Variants in AFF3 observed in about 807,000 individuals in gnomAD.
The protein encoded by AFF3 is ALF transcription elongation factor 3.
In AFF3, 32 loss-of-function variants were observed where a neutral mutation model predicts 129.7. The ratio of observed to expected loss-of-function variants is 0.25; its 90% CI spans 0.19 to 0.33. The LOEUF (loss-of-function observed/expected upper bound fraction) is 0.33. Among genes scored for constraint, AFF3 ranks in the 10% least tolerant of loss-of-function variants. AFF3 has a pLI of 1.00. For synonymous variants in AFF3, 644 were observed against 635.4 expected, an observed-to-expected ratio of 1.01 and a Z score of -0.20; for missense variants, 1,373 against 1,592.0, an observed-to-expected ratio of 0.86 and a Z score of 2.34.
At chr2:99,581,076 G>T (rs1015208322) in intron 17 of AFF3, among the ~76,000 whole-genome samples, 3 of 152,214 alleles carry the variant, frequency 2.0e-5, no homozygotes, top group African/African-American at 7.2e-5. Context: ...AGAACTGTAA[G>T]CTTCATGGGG....
At position 99,670,226 on chromosome 2, in the gene AFF3, CAGATAGGAGTGTTCAAAAGCATG is replaced by C. The variant is rs575055698; in HGVS notation, c.1143+2289_1143+2311del. On this transcript the variant is annotated intron_variant, in intron 12 of 24. Coordinates refer to ENST00000672756, the MANE Select transcript of AFF3 (RefSeq NM_001386135.1). Reference sequence around the variant, plus strand: ...AGGCAATGGGGAGAAAAGGAAACCTCAGATAGGAGTGTTCAAAAGCATGGAGTCTGAGGCGATCTGAGGAAGGG... The same window carrying C: ...AGGCAATGGGGAGAAAAGGAAACCTCGAGTCTGAGGCGATCTGAGGAAGGG... 4.5e-3 allele frequency among the ~76,000 whole-genome samples: 687 copies of C among 152,212 alleles called. 3 individuals carry two copies. The highest frequency in any genetic ancestry group is 0.016 in the African/African-American group (647 of 41,524).
intron 2 of AFF3, among the ~76,000 whole-genome samples, chr2:100,113,860 G>C (rs1691621009): frequency 6.6e-6 from 1 of 152,046 alleles, no homozygotes; most frequent in Admixed American, 6.6e-5. Flanking sequence ...GTTCTATGTG[G>C]TCAAAGTGTT....
chr2:99,918,382 A>G (rs941907619), intron 7 of AFF3, among the ~76,000 whole-genome samples: 1 of 152,110 alleles, frequency 6.6e-6, no homozygotes, highest in African/African-American at 2.4e-5. Flanking sequence ...ATCACCTTCT[A>G]TGTTCTTAAA....
At chr2:99,564,039 G>A (rs1675751028) in intron 20 of AFF3, among the ~76,000 whole-genome samples, 1 of 151,998 alleles carries the variant, frequency 6.6e-6, no homozygotes, top group Non-Finnish European at 1.5e-5. Flanking sequence ...TGTTTGTTTG[G>A]GCTTGCTTGT....
At chr2:99,900,115 C>T (rs1016550969) in intron 7 of AFF3, among the ~76,000 whole-genome samples, 17 of 152,110 alleles carry the variant, frequency 1.1e-4, no homozygotes, top group African/African-American at 4.1e-4. Context: ...ATGTAGGAAA[C>T]GTGGGAACCC....
At chr2:100,111,039 G>A (rs1691494413) in intron 2 of AFF3, among the ~76,000 whole-genome samples, 1 of 152,168 alleles carries the variant, frequency 6.6e-6, no homozygotes, top group African/African-American at 2.4e-5. Flanking sequence ...AATTTTAGGA[G>A]CAAAAGCCAC....
intron 8 of AFF3, among the ~76,000 whole-genome samples, chr2:99,779,639 CTG>C (rs1684232705): frequency 1.3e-5 from 2 of 152,284 alleles, no homozygotes; most frequent in South Asian, 4.2e-4. Context: ...AGCGTAAACA[CTG>C]TACCCAGTAG....
Position 100,106,968 on chromosome 2 carries a change from G to T in AFF3, c.-144-1385C>A. Reference sequence around the variant, plus strand: ...GCCATGTAGTAACGGGCAGATTTACGTTTGAATTTAAACTCTGGTGCCTTG... The same window carrying T: ...GCCATGTAGTAACGGGCAGATTTACTTTTGAATTTAAACTCTGGTGCCTTG... On this transcript the variant is annotated intron_variant, in intron 2 of 24. Transcript: ENST00000672756. 3.0e-6 allele frequency: 3 copies of T among 985,442 alleles called. No individual in the cohort carries two copies. In the South Asian group the frequency reaches 1.4e-4, roughly 46 times the overall value. 61.0% of individuals were successfully genotyped at this position (985,442 alleles called of 1,614,324 possible). A position where few individuals can be genotyped will look rare whatever the true frequency, so the allele number is the denominator to read the frequency against.
chr2:99,565,809 G>A (rs1675905798), intron 19 of AFF3, among the ~76,000 whole-genome samples, 186 bp from the exon 20 acceptor site: 1 of 152,220 alleles, frequency 6.6e-6, no homozygotes. Context: ...CTGGCTTGGA[G>A]TAAGTGAGCG....
At chr2:99,649,449 C>G (rs1264306557) in intron 13 of AFF3, among the ~76,000 whole-genome samples, 177 bp downstream of exon 13, 1 of 152,040 alleles carries the variant, frequency 6.6e-6, no homozygotes, top group Non-Finnish European at 1.5e-5. Flanking sequence ...TACAACAAGG[C>G]GATTTTTGCA....
chr2:99,837,692 G>A lies in AFF3; in HGVS notation c.874-168C>T, dbSNP rs147036517. Among the ~76,000 whole-genome samples the A allele has an allele frequency of 2.9e-3, 440 of 152,140 alleles. 1 individual carries two copies. Among genetic ancestry groups the A allele is most frequent in the Non-Finnish European group, 4.9e-3 (332 of 67,996 alleles). Reference sequence around the variant, plus strand: ...GACAGGCTCCTTTCCCTAACAGCCGGCTCCCATTGTGGCTGCTGCTCCCCC... The same window carrying A: ...GACAGGCTCCTTTCCCTAACAGCCGACTCCCATTGTGGCTGCTGCTCCCCC... On this transcript the variant is annotated intron_variant, in intron 7 of 24. Coordinates refer to ENST00000672756, the MANE Select transcript of AFF3 (RefSeq NM_001386135.1).
intron 7 of AFF3, among the ~76,000 whole-genome samples, chr2:99,942,912 A>C (rs1326995549): frequency 6.6e-6 from 1 of 152,132 alleles, no homozygotes; most frequent in Non-Finnish European, 1.5e-5. Flanking sequence ...GAAGAGCAAT[A>C]TGGATGCCGT....
chr2:99,611,809 C>A (rs1240673131), intron 13 of AFF3, among the ~76,000 whole-genome samples: 1 of 151,810 alleles, frequency 6.6e-6, no homozygotes, highest in Non-Finnish European at 1.5e-5. Flanking sequence ...ATCGCTTGAA[C>A]ATGAAAGGCA....
chr2:100,003,716 ATGT>A (rs915449807), intron 7 of AFF3, among the ~76,000 whole-genome samples: 5 of 152,192 alleles, frequency 3.3e-5, no homozygotes, highest in African/African-American at 1.2e-4. Context: ...TAGGGTGCAG[ATGT>A]TGTAAGGGAA....
At chr2:99,918,580 C>T (rs1695641291) in intron 7 of AFF3, among the ~76,000 whole-genome samples, 1 of 152,118 alleles carries the variant, frequency 6.6e-6, no homozygotes, top group African/African-American at 2.4e-5. Context: ...CTTTGCATTC[C>T]TTTATTCATT....
At chr2:99,840,583 C>T (rs1454830947) in intron 7 of AFF3, among the ~76,000 whole-genome samples, 3 of 152,166 alleles carry the variant, frequency 2.0e-5, no homozygotes, top group Non-Finnish European at 4.4e-5. Context: ...ATACTTCACA[C>T]CCTTTCCTAT....
rs192623660 is a variant in AFF3 at position 99,677,596 on chromosome 2, C to T, written c.1092-5007G>A. 2.0e-5 allele frequency among the ~76,000 whole-genome samples: 3 copies of T among 152,326 alleles called. No individual in the cohort carries two copies. In the East Asian group the frequency reaches 5.8e-4, roughly 29 times the overall value. Reference sequence around the variant, plus strand: ...GGTTATGAGCCCCCAGCTGCACTCGCTCACGCTTTCATGCAGGGAGAGCGG... The same window carrying T: ...GGTTATGAGCCCCCAGCTGCACTCGTTCACGCTTTCATGCAGGGAGAGCGG... On this transcript the variant is annotated intron_variant, in intron 11 of 24. Coordinates refer to ENST00000672756, the MANE Select transcript of AFF3 (RefSeq NM_001386135.1).
At chr2:100,031,230 T>C (rs1342411176) in intron 4 of AFF3, among the ~76,000 whole-genome samples, 1 of 152,196 alleles carries the variant, frequency 6.6e-6, no homozygotes, top group Non-Finnish European at 1.5e-5. Flanking sequence ...CTGCTATACA[T>C]GCATACTGGA....
At chr2:100,079,356 T>C (rs1013582571) in intron 4 of AFF3, among the ~76,000 whole-genome samples, 5 of 152,226 alleles carry the variant, frequency 3.3e-5, no homozygotes, top group African/African-American at 1.2e-4. Flanking sequence ...ACTTACACAG[T>C]AGTATCCTGA....
Sources: gnomAD v4.1 joint callset for allele counts (sites outside exome capture counted in the v4.1 genomes callset) on GRCh38, gnomAD v4.1.1 for gene constraint, MANE v1.5 for transcripts, NCBI Gene and HGNC (gene_info 2026-07-23, HGNC 2026-07-21) for gene names.